GLRX3: variants seen among roughly 807,000 people sequenced by gnomAD.
GLRX3 encodes the protein glutaredoxin-3.
In GLRX3, 22 loss-of-function variants were observed where a neutral mutation model predicts 49.5. That is an observed-to-expected ratio of 0.44 (90% CI 0.32 to 0.63). GLRX3 has a LOEUF of 0.63. Ranked by LOEUF, GLRX3 falls within the 30% of genes least tolerant of loss-of-function variation. The pLI is 0.05. For missense variants in GLRX3, 385 were observed against 396.3 expected, an observed-to-expected ratio of 0.97 and a Z score of 0.24; for synonymous variants, 133 against 140.0, an observed-to-expected ratio of 0.95 and a Z score of 0.35.
intron 1 of GLRX3, among the ~76,000 whole-genome samples, chr10:130,144,462 C>T (rs952764248): frequency 6.6e-6 from 1 of 151,984 alleles, no homozygotes; most frequent in Admixed American, 6.6e-5. Flanking sequence ...TCCCCTTGCC[C>T]CCCACCCCCT....
In GLRX3 at chr10:130,160,814, C is replaced by T. The variant is rs1301359883; in HGVS notation, c.295C>T (p.Arg99Ter). Residue 99 changes from arginine to a stop codon, truncating the protein, a stop_gained, in exon 4 of 11, where the codon CGA (arginine) becomes TGA (stop). Coordinates refer to ENST00000331244, the MANE Select transcript of GLRX3 (RefSeq NM_006541.5). LOFTEE classifies it high-confidence loss of function. The stretch of plus-strand genomic sequence containing the variant: ...ACTTTAGAATTCTCAGAAAATCGAC[C>T]GATTAGATGGTGCACATGCCCCAGA... ...LFFKNSQKID[R>*]LDGAHAPELT... is the part of the protein sequence containing the mutation. The T allele has an allele frequency of 1.9e-6, 3 of 1,594,976 alleles. No individual in the cohort carries two copies. The highest frequency in any genetic ancestry group is 1.7e-6 in the Non-Finnish European group (2 of 1,162,854).
chr10:130,136,478 G>C lies in GLRX3; in HGVS notation c.58G>C (p.Gly20Arg). 7.9e-7 allele frequency: 1 copy of C among 1,266,994 alleles called. No individual in the cohort carries two copies. Among genetic ancestry groups the C allele is most frequent in the Non-Finnish European group, 1.0e-6 (1 of 1,000,338 alleles). 78.5% of individuals were successfully genotyped at this position (1,266,994 alleles called of 1,614,324 possible). A position where few individuals can be genotyped will look rare whatever the true frequency, so the allele number is the denominator to read the frequency against. ...GGCCGTGGAGGAGGTCGGCTCAGCC[G>C]GGCAGTTTGAGGAGCTGCTGCGCCT... is the stretch of plus-strand genomic sequence containing the variant. ...VAAVEEVGSA[G>R]QFEELLRLKA... The change falls in exon 1 of 11, where the codon GGG (glycine) becomes CGG (arginine). Residue 20 changes from glycine (G) to arginine (R), a missense_variant. Physicochemically the swap from Gly to Arg is moderately radical, Grantham distance 125. Around this residue, in one of 2 missense-constraint regions of GLRX3, gnomAD observed 374 missense variants for 358.6 expected, o/e 1.04. Coordinates refer to ENST00000331244, the MANE Select transcript of GLRX3 (RefSeq NM_006541.5).
intron 4 of GLRX3, among the ~76,000 whole-genome samples, chr10:130,162,636 A>G (rs906803628): frequency 1.1e-4 from 16 of 152,186 alleles, no homozygotes; most frequent in African/African-American, 3.9e-4. Context: ...TGAAATCTCT[A>G]CAGTATTCTC....
intron 8 of GLRX3, among the ~76,000 whole-genome samples, chr10:130,173,146 C>G (rs926226957): frequency 5.3e-5 from 8 of 152,174 alleles, no homozygotes; most frequent in Admixed American, 3.9e-4. Context: ...GTGAGACACA[C>G]ACAGTCCATC....
In GLRX3 at chr10:130,166,946, A is replaced by G. The variant is rs1447630890; in HGVS notation, c.679A>G (p.Thr227Ala). The G allele has an allele frequency of 2.5e-6, 4 of 1,597,910 alleles. No individual in the cohort carries two copies. Among genetic ancestry groups the G allele is most frequent in the Non-Finnish European group, 2.6e-6 (3 of 1,171,726 alleles). ...GCTAGAAGCATCTGAAGAACTAGAT[A>G]CAATTTGTCCCAAAGCTCCCAAATT... Reference protein sequence around the residue: ...KELEASEELDTICPKAPKLEE... With the variant: ...KELEASEELDAICPKAPKLEE... Residue 227 changes from threonine to alanine, a missense_variant, in exon 6 of 11, where the codon ACA becomes GCA. By Grantham distance (58) the Thr-to-Ala change is moderately conservative. This residue lies in a region of GLRX3 where 374 missense variants were observed against 358.6 expected (regional missense o/e 1.04). Coordinates refer to ENST00000331244, the MANE Select transcript of GLRX3 (RefSeq NM_006541.5).
chr10:130,168,622 C>G (rs770977377), intron 6 of GLRX3, among the ~76,000 whole-genome samples: 85 of 152,092 alleles, frequency 5.6e-4, no homozygotes, highest in Non-Finnish European at 1.0e-3. Flanking sequence ...TTCTTTTGTA[C>G]TTTTTAGTGG....
intron 2 of GLRX3, among the ~76,000 whole-genome samples, chr10:130,148,721 T>G (rs868252724): frequency 9.9e-5 from 15 of 152,150 alleles, no homozygotes; most frequent in Middle Eastern, 3.4e-3. Context: ...GGTTTTCATA[T>G]TTATTGCATC....
intron 2 of GLRX3, among the ~76,000 whole-genome samples, chr10:130,150,548 A>C (rs924999407): frequency 1.3e-5 from 2 of 152,210 alleles, no homozygotes; most frequent in Non-Finnish European, 2.9e-5. Flanking sequence ...GATCAAGGGT[A>C]TGGAGGAGTT....
intron 2 of GLRX3, among the ~76,000 whole-genome samples, chr10:130,150,924 G>T (rs1159585937): frequency 6.7e-6 from 1 of 150,172 alleles, no homozygotes; most frequent in Middle Eastern, 3.2e-3. Context: ...AATTCTGGTA[G>T]AATTGTTTTT....
chr10:130,138,117 C>T (rs536381897), intron 1 of GLRX3, among the ~76,000 whole-genome samples: 1 of 152,014 alleles, frequency 6.6e-6, no homozygotes, highest in East Asian at 1.9e-4. Context: ...AGTGCAGTGG[C>T]GTGATCTCGG....
intron 1 of GLRX3, among the ~76,000 whole-genome samples, chr10:130,139,587 A>C (rs2134866801): frequency 6.6e-6 from 1 of 150,384 alleles, no homozygotes; most frequent in Admixed American, 6.7e-5. Flanking sequence ...GCTTGCAGTG[A>C]GCCAAGATCG....
intron 2 of GLRX3, chr10:130,159,787 C>T (rs1289878549): frequency 7.6e-7 from 1 of 1,309,084 alleles, no homozygotes. Flanking sequence ...ATAAAAACCT[C>T]TGAACCTGTT....
chr10:130,178,616 T>G (rs1302447466), intron 10 of GLRX3, among the ~76,000 whole-genome samples: 2 of 152,078 alleles, frequency 1.3e-5, no homozygotes, highest in Non-Finnish European at 2.9e-5. Context: ...ATTGCTACAG[T>G]TTAAATAGGG....
At chr10:130,159,687 TAGC>T in intron 2 of GLRX3, 1 of 389,744 alleles carries the variant, frequency 2.6e-6, no homozygotes. Context: ...AATATAGTAG[TAGC>T]TGCATATGAT....
At chr10:130,163,368 G>T (rs1248504984) in intron 4 of GLRX3, among the ~76,000 whole-genome samples, 1 of 152,172 alleles carries the variant, frequency 6.6e-6, no homozygotes, top group Admixed American at 6.5e-5. Flanking sequence ...GTTGCAGTGA[G>T]CCGAGATCGA....
chr10:130,145,339 A>C lies in GLRX3; in HGVS notation c.201+20A>C, dbSNP rs941539863. ...GTGAAGGTATTTATATTTCAATGTC[A>C]TGTCTTTTGTGAATTTAATTCTGAT... On this transcript the variant is annotated intron_variant, in intron 2 of 10. Coordinates refer to ENST00000331244, the MANE Select transcript of GLRX3 (RefSeq NM_006541.5). The C allele has an allele frequency of 8.4e-6, 9 of 1,077,344 alleles. No individual in the cohort carries two copies. The highest frequency in any genetic ancestry group is 1.7e-5 in the Admixed American group (1 of 59,284). 66.7% of individuals were successfully genotyped at this position (1,077,344 alleles called of 1,614,324 possible).
intron 10 of GLRX3, among the ~76,000 whole-genome samples, chr10:130,175,409 C>T (rs1862897700): frequency 6.6e-6 from 1 of 152,208 alleles, no homozygotes; most frequent in Non-Finnish European, 1.5e-5. Flanking sequence ...TTTTTCTTGC[C>T]TTACTCATCT....
intron 10 of GLRX3, among the ~76,000 whole-genome samples, chr10:130,177,846 T>C (rs1429596925): frequency 6.6e-6 from 1 of 152,248 alleles, no homozygotes; most frequent in African/African-American, 2.4e-5. Flanking sequence ...TTAATGGTTT[T>C]ATTGATTGAT....
chr10:130,137,647 C>T (rs1447050859), intron 1 of GLRX3, among the ~76,000 whole-genome samples: 1 of 152,188 alleles, frequency 6.6e-6, no homozygotes, highest in African/African-American at 2.4e-5. Context: ...AATACAATGC[C>T]TAGTATGCAG....
Sources: allele counts gnomAD v4.1 joint callset (sites outside exome capture counted in the v4.1 genomes callset), GRCh38; gene constraint gnomAD v4.1.1; regional missense constraint gnomAD v4.1.1; transcripts MANE v1.5; gene names NCBI Gene and HGNC (gene_info 2026-07-23, HGNC 2026-07-21).